Variants in CPD observed in about 807,000 individuals in gnomAD.
CPD encodes metallocarboxypeptidase D.
CPD carries 69 observed loss-of-function variants against 138.3 expected under a neutral mutation model. The observed-to-expected ratio is 0.50, with a 90% CI of 0.41 to 0.61. CPD has a LOEUF of 0.61. Ranked by LOEUF, CPD falls within the 20% of genes least tolerant of loss-of-function variation. The pLI is 0.00. For missense variants in CPD, 1,432 were observed against 1,733.3 expected (o/e 0.83, Z 3.09); for synonymous variants, 651 against 642.1 (o/e 1.01, Z -0.21).
intron 17 of CPD, among the ~76,000 whole-genome samples, chr17:30,457,646 C>T (rs954473688): frequency 1.3e-5 from 2 of 151,938 alleles, no homozygotes; most frequent in Admixed American, 6.6e-5. Flanking sequence ...ATCCTCTCCT[C>T]ACCAACACTT....
chr17:30,422,408 G>A (rs1370581808), intron 4 of CPD, among the ~76,000 whole-genome samples: 1 of 152,152 alleles, frequency 6.6e-6, no homozygotes, highest in Non-Finnish European at 1.5e-5. Flanking sequence ...CTTTCAACAT[G>A]TTCTTTCCTT....
Position 30,379,466 on chromosome 17 carries a change from C to T in CPD, c.486C>T (p.Arg162=), listed in dbSNP as rs780850763. The change falls in exon 1 of 21, where the codon CGC becomes CGT. Residue 162 remains arginine, a synonymous_variant. Coordinates refer to ENST00000225719, the MANE Select transcript of CPD (RefSeq NM_001304.5). The surrounding 1 kb of genome is among the most constrained non-coding windows in gnomAD (Gnocchi z 7.0). Reference sequence around the variant, plus strand: ...GCGAGCTGGCGGCCGGCTACCGCCGCGGGGACCCGCGCCTGGTCCGCCTGC... The same window carrying T: ...GCGAGCTGGCGGCCGGCTACCGCCGTGGGGACCCGCGCCTGGTCCGCCTGC... ...LARELAAGYR[R]GDPRLVRLLN... is the part of the protein sequence containing the mutation. The T allele has an allele frequency of 7.0e-6, 11 of 1,572,780 alleles. No homozygotes were observed. The East Asian group carries it at 1.5e-4, about 21-fold the overall frequency.
chr17:30,446,120 CAG>C (rs1241873157), intron 12 of CPD, 100 bp downstream of exon 12: 12 of 828,074 alleles, frequency 1.4e-5, no homozygotes, highest in Non-Finnish European at 2.3e-5. Flanking sequence ...TATTTGGGAA[CAG>C]AATGTACAGA....
chr17:30,454,106 A>ATTAG (rs1210367037), intron 14 of CPD: 2 of 152,204 alleles, frequency 1.3e-5, no homozygotes, highest in African/African-American at 2.4e-5. Context: ...GGGGATTAAC[A>ATTAG]TTAGGCTCCT....
intron 2 of CPD, among the ~76,000 whole-genome samples, chr17:30,395,000 G>A (rs1911460662): frequency 6.6e-6 from 1 of 151,920 alleles, no homozygotes; most frequent in African/African-American, 2.4e-5. Flanking sequence ...GTACCCAATG[G>A]GCAGTTAGGG....
In CPD at chr17:30,434,974, A is replaced by G. The variant is rs1265739851; in HGVS notation, c.2127+3093A>G. 1.3e-4 allele frequency among the ~76,000 whole-genome samples: 20 copies of G among 152,300 alleles called. 1 individual carries two copies. Among genetic ancestry groups the G allele is most frequent in the Middle Eastern group, 3.4e-3 (1 of 294 alleles). On this transcript the variant is annotated intron_variant, in intron 8 of 20. Transcript: ENST00000225719. ...GAAACTTCACATATAGACACTAAGGAGACCCTACCATTAGCAAAAAATAAT... is the reference window on the plus strand; with the variant it reads ...GAAACTTCACATATAGACACTAAGGGGACCCTACCATTAGCAAAAAATAAT...
intron 8 of CPD, among the ~76,000 whole-genome samples, chr17:30,435,677 C>T (rs1567878128): frequency 6.7e-6 from 1 of 150,352 alleles, no homozygotes; most frequent in African/African-American, 2.4e-5. Context: ...TTCTTTACTG[C>T]AAAAAAAAAC....
Position 30,431,777 on chromosome 17 carries a change from T to C in CPD, c.2023T>C (p.Leu675=). Residue 675 remains leucine, a synonymous_variant, in exon 8 of 21, where the codon TTG becomes CTG. Transcript: ENST00000225719. The part of the protein sequence containing the change: ...VLSANLHGGS[L]VVNYPFDDDE... ...TTTCCTCTTTTCCCTTATAGGTTCT[T>C]TGGTGGTTAACTACCCTTTTGATGA... 6.2e-7 allele frequency: 1 copy of C among 1,606,666 alleles called. No individual in the cohort carries two copies. Among genetic ancestry groups the C allele is most frequent in the Non-Finnish European group, 8.5e-7 (1 of 1,174,192 alleles).
At chr17:30,385,297 A>G (rs1911154578) in intron 2 of CPD, 61 bp downstream of exon 2, 3 of 1,535,010 alleles carry the variant, frequency 2.0e-6, no homozygotes, top group Admixed American at 2.1e-5. Flanking sequence ...TGTTATGTGT[A>G]TTCTGAGCAA....
At chr17:30,456,802 G>A (rs372631202) in intron 17 of CPD, 18 of 211,078 alleles carry the variant, frequency 8.5e-5, no homozygotes, top group Non-Finnish European at 1.2e-4. Context: ...AGCCGAGATC[G>A]CACTACTGCA....
intron 11 of CPD, 125 bp downstream of exon 11, chr17:30,444,096 A>C: frequency 1.1e-6 from 1 of 907,862 alleles, no homozygotes; most frequent in Non-Finnish European, 1.6e-6. Flanking sequence ...TGCGAAGTTT[A>C]GGGCTGGTTA....
At chr17:30,386,249 A>G (rs1476227347) in intron 2 of CPD, among the ~76,000 whole-genome samples, 1 of 152,008 alleles carries the variant, frequency 6.6e-6, no homozygotes, top group Non-Finnish European at 1.5e-5. Context: ...GGCTGATCTC[A>G]AACTCCTGAC....
At chr17:30,426,632 T>C (rs1056972110) in intron 6 of CPD, among the ~76,000 whole-genome samples, 3 of 152,174 alleles carry the variant, frequency 2.0e-5, no homozygotes, top group African/African-American at 7.2e-5. Flanking sequence ...ACAGGAGTAG[T>C]TGAGGAAGTT....
At chr17:30,462,184 C>G (rs752502177) in intron 19 of CPD, 122 bp downstream of exon 19, 24 of 1,104,364 alleles carry the variant, frequency 2.2e-5, no homozygotes, top group Non-Finnish European at 2.7e-5. Flanking sequence ...GTGACTGCCT[C>G]TTGATTATGA....
chr17:30,412,618 C>T (rs1055799387), intron 2 of CPD, among the ~76,000 whole-genome samples: 2 of 152,200 alleles, frequency 1.3e-5, no homozygotes, highest in African/African-American at 2.4e-5. Flanking sequence ...GCTGCAGCCT[C>T]GCAGGTTGAT....
At chr17:30,418,337 T>C (rs1003082643) in intron 2 of CPD, among the ~76,000 whole-genome samples, 1 of 152,076 alleles carries the variant, frequency 6.6e-6, no homozygotes, top group Admixed American at 6.6e-5. Flanking sequence ...TGTGCCACCA[T>C]GCCCAGCTAA....
At chr17:30,429,951 A>G (rs926074230) in intron 7 of CPD, among the ~76,000 whole-genome samples, 2 of 152,102 alleles carry the variant, frequency 1.3e-5, no homozygotes, top group African/African-American at 4.8e-5. Flanking sequence ...AGAAAGAGGG[A>G]GGGTAGATAG....
In CPD at chr17:30,379,092, G is replaced by T; in HGVS notation, c.112G>T (p.Glu38Ter). ...CCGGGCGGCTCACATCAAGAAGGCG[G>T]AGGCGACTACCACAACTACGAGCGC... ...SARAAHIKKA[E>*]ATTTTTSAGA... Residue 38 changes from glutamate (E) to a stop codon, truncating the protein, a stop_gained, in exon 1 of 21, where the codon GAG becomes TAG. Coordinates refer to ENST00000225719, the MANE Select transcript of CPD (RefSeq NM_001304.5). LOFTEE classifies it high-confidence loss of function. The surrounding 1 kb of genome is among the most constrained non-coding windows in gnomAD (Gnocchi z 7.0). 1 of 1,557,978 alleles carries T rather than the reference G, an allele frequency of 6.4e-7. No homozygotes were observed.
chr17:30,442,161 CA>C, intron 9 of CPD, 146 bp from the exon 10 acceptor site: 1 of 590,384 alleles, frequency 1.7e-6, no homozygotes, highest in Non-Finnish European at 2.9e-6. Context: ...GTATCGCAAG[CA>C]TCAAAGTGCC....
Sources: gnomAD v4.1 joint callset for allele counts (sites outside exome capture counted in the v4.1 genomes callset) on GRCh38, gnomAD v4.1.1 for gene constraint, Gnocchi (gnomAD v3.1) non-coding constraint, MANE v1.5 for transcripts, NCBI Gene and HGNC (gene_info 2026-07-23, HGNC 2026-07-21) for gene names.